Variants in ZNF512B observed in about 807,000 individuals in gnomAD.
ZNF512B encodes the protein zinc finger protein 512B.
A neutral mutation model predicts 87.8 loss-of-function variants in ZNF512B; 22 were observed. The ratio of observed to expected loss-of-function variants is 0.25; its 90% CI spans 0.18 to 0.36. The LOEUF (loss-of-function observed/expected upper bound fraction) is 0.36. Among genes scored for constraint, ZNF512B ranks in the 10% least tolerant of loss-of-function variants. The pLI is 1.00. For missense variants in ZNF512B, 1,060 were observed against 1,231.6 expected (o/e 0.86, Z 2.09); for synonymous variants, 524 against 490.9 (o/e 1.07, Z -0.89).
At chr20:63,962,971 A>G (rs1290504629) in intron 12 of ZNF512B, 124 bp downstream of exon 12, 4 of 1,337,948 alleles carry the variant, frequency 3.0e-6, no homozygotes, top group Non-Finnish European at 4.0e-6. Flanking sequence ...CGTCTCTTAC[A>G]GAGAGGGGTG....
Position 63,966,319 on chromosome 20 carries a change from T to C in ZNF512B, c.856A>G (p.Lys286Glu). 1 of 1,594,994 alleles carries C rather than the reference T, an allele frequency of 6.3e-7. No individual in the cohort carries two copies. Among genetic ancestry groups the C allele is most frequent in the Non-Finnish European group, 8.6e-7 (1 of 1,166,680 alleles). ...ACTGGCTTGGTGACCGGCACGGGTT[T>C]CGTAACTGTCACAAGCTTTGTTACC... ...ITVTKLVTVT[K>E]PVPVTKPVTV... Residue 286 changes from lysine to glutamate, a missense_variant, in exon 5 of 17, where the codon AAA (lysine) becomes GAA (glutamate). By Grantham distance (56) the Lys-to-Glu change is moderately conservative. This residue lies in a region of ZNF512B where 201 missense variants were observed against 226.8 expected (regional missense o/e 0.89). Coordinates refer to ENST00000369888, the MANE Select transcript of ZNF512B (RefSeq NM_020713.3).
rs923144892 is a variant in ZNF512B, at chr20:63,957,431, G to A, written c.*2457C>T. 1 of 152,512 alleles carries A rather than the reference G, an allele frequency of 6.6e-6. No homozygotes were observed. The highest frequency in any genetic ancestry group is 1.5e-5 in the Non-Finnish European group (1 of 68,070). The allele number at this position is 152,512 out of a possible 1,614,324, so 9.4% of individuals were successfully genotyped here. On this transcript the variant is annotated 3_prime_UTR_variant, in exon 17 of 17. Transcript: ENST00000369888. Reference sequence around the variant, plus strand: ...TGTGGGCCAGCGTAGGGAGTGGGCAGACCCTGCTGAGCTCCACCCAGGGCC... The same window carrying A: ...TGTGGGCCAGCGTAGGGAGTGGGCAAACCCTGCTGAGCTCCACCCAGGGCC...
chr20:63,962,417 C>T (rs1394461532), intron 13 of ZNF512B, 43 bp from the exon 14 acceptor site: 19 of 1,581,748 alleles, frequency 1.2e-5, no homozygotes, highest in Non-Finnish European at 1.6e-5. Context: ...GGCCAGAAGA[C>T]ACCCCAGCTG....
chr20:63,962,111 G>C, intron 14 of ZNF512B, 107 bp from the exon 15 acceptor site: 4 of 1,382,264 alleles, frequency 2.9e-6, no homozygotes, highest in Non-Finnish European at 4.0e-6. Flanking sequence ...GGCAAGTGAG[G>C]GGGTGTGAGT....
Position 63,964,524 on chromosome 20 carries a change from G to A in ZNF512B, c.1227C>T (p.Ser409=), listed in dbSNP as rs1213707379. Residue 409 remains serine, a synonymous_variant, in exon 6 of 17, where the codon TCC becomes TCT. Coordinates refer to ENST00000369888, the MANE Select transcript of ZNF512B (RefSeq NM_020713.3). ...MEALKAAGPA[S]PPEEDPERTK... Reference sequence around the variant, plus strand: ...TGCGCTCCGGGTCCTCCTCAGGCGGGGACGCAGGGCCTGCAGCCTTCAGTG... The same window carrying A: ...TGCGCTCCGGGTCCTCCTCAGGCGGAGACGCAGGGCCTGCAGCCTTCAGTG... 4 of 1,612,604 alleles carry A rather than the reference G, an allele frequency of 2.5e-6. No homozygotes were observed. The highest frequency in any genetic ancestry group is 2.2e-5 in the East Asian group (1 of 44,886).
In ZNF512B at chr20:63,959,088, G is replaced by C. The variant is rs1481752843; in HGVS notation, c.*800C>G. The C allele has an allele frequency of 6.6e-6, 1 of 152,546 alleles. No homozygotes were observed. The highest frequency in any genetic ancestry group is 2.4e-5 in the African/African-American group (1 of 41,462). The allele number at this position is 152,546 out of a possible 1,614,324, so 9.4% of individuals were successfully genotyped here. A position where few individuals can be genotyped will look rare whatever the true frequency, so the allele number is the denominator to read the frequency against. ...AACACTGGAGGAGAGCACACTCCAG[G>C]GGCCCCACACCCCCAGGGCTGGCAG... On this transcript the variant is annotated 3_prime_UTR_variant, in exon 17 of 17. Coordinates refer to ENST00000369888, the MANE Select transcript of ZNF512B (RefSeq NM_020713.3).
intron 1 of ZNF512B, chr20:63,969,001 CG>C (rs2058954638): frequency 1.8e-6 from 1 of 555,784 alleles, no homozygotes; most frequent in Non-Finnish European, 2.3e-6. Context: ...AACTTGGATC[CG>C]AGGGGATGGG....
rs750971379 is a variant in ZNF512B, at chr20:63,964,503, C to T, written c.1248G>A (p.Glu416=). 1 of 1,612,914 alleles carries T rather than the reference C, an allele frequency of 6.2e-7. No homozygotes were observed. Among genetic ancestry groups the T allele is most frequent in the Non-Finnish European group, 8.5e-7 (1 of 1,179,868 alleles). The change falls in exon 6 of 17, where the codon GAG becomes GAA. Residue 416 remains glutamate, a synonymous_variant. Transcript: ENST00000369888. The part of the protein sequence containing the change: ...GPASPPEEDP[E]RTKHRRKQKT... ...CTCTCATCTTACTGTGCTTTGTGCG[C>T]TCCGGGTCCTCCTCAGGCGGGGACG...
intron 16 of ZNF512B, among the ~76,000 whole-genome samples, chr20:63,960,824 A>T (rs577615461): frequency 2.2e-5 from 3 of 135,168 alleles, no homozygotes; most frequent in African/African-American, 5.7e-5. Context: ...CACAGCCTTC[A>T]GGACCAGGCA....
chr20:63,962,427 G>A (rs902134976), intron 13 of ZNF512B, 53 bp from the exon 14 acceptor site: 2 of 1,569,890 alleles, frequency 1.3e-6, no homozygotes, highest in Non-Finnish European at 1.7e-6. Flanking sequence ...CACCCCAGCT[G>A]CTCTAAGAAC....
intron 9 of ZNF512B, 33 bp from the exon 10 acceptor site, chr20:63,963,743 G>A (rs879246200): frequency 1.9e-6 from 3 of 1,612,992 alleles, no homozygotes; most frequent in African/African-American, 2.7e-5. Context: ...AAGCCTGCCT[G>A]GGGCCAGGGC....
rs1292431712 is a variant in ZNF512B at position 63,964,064 on chromosome 20, C to T, written c.1480+7G>A. ...GCTGCCCTGAGCCCCTGCCAGGCAGCCCCTACCTGGAGCTGGGTGGGCCAC... is the reference window on the plus strand; with the variant it reads ...GCTGCCCTGAGCCCCTGCCAGGCAGTCCCTACCTGGAGCTGGGTGGGCCAC... On this transcript the variant is annotated splice_region_variant and intron_variant, in intron 8 of 16. Transcript: ENST00000369888. The T allele has an allele frequency of 6.2e-7, 1 of 1,605,778 alleles. No individual in the cohort carries two copies. Among genetic ancestry groups the T allele is most frequent in the Non-Finnish European group, 8.5e-7 (1 of 1,179,206 alleles).
In ZNF512B at chr20:63,961,213, G is replaced by A; in HGVS notation, c.2427+96C>T. On this transcript the variant is annotated intron_variant, in intron 16 of 16. Transcript: ENST00000369888. The surrounding 1 kb of genome is among the most constrained non-coding windows in gnomAD (Gnocchi z 6.4). The stretch of plus-strand genomic sequence containing the variant: ...ACTCTCCCAGGCACACCCCATGCAG[G>A]CCACTGACCTCTCTACCCCCAAGGG... 3.6e-6 allele frequency: 4 copies of A among 1,111,516 alleles called. No homozygotes were observed. Among genetic ancestry groups the A allele is most frequent in the East Asian group, 2.4e-5 (1 of 41,386 alleles). 68.9% of individuals were successfully genotyped at this position (1,111,516 alleles called of 1,614,324 possible).
chr20:63,963,563 G>A, intron 10 of ZNF512B, 55 bp downstream of exon 10: 3 of 1,603,860 alleles, frequency 1.9e-6, no homozygotes, highest in Non-Finnish European at 1.7e-6. Context: ...CTGCGGTGAA[G>A]GTGGGGTGCG....
chr20:63,963,073 C>A (rs1043165112), intron 12 of ZNF512B, 22 bp downstream of exon 12: 8 of 1,533,518 alleles, frequency 5.2e-6, no homozygotes, highest in Non-Finnish European at 7.0e-6. Flanking sequence ...AGCACTGTGC[C>A]ACAGAACAGA....
At position 63,963,331 on chromosome 20, in the gene ZNF512B, C is replaced by G. The variant is rs773177320; in HGVS notation, c.1797+11G>C. The G allele has an allele frequency of 6.5e-7, 1 of 1,536,484 alleles. No homozygotes were observed. The highest frequency in any genetic ancestry group is 1.4e-5 in the African/African-American group (1 of 73,042). ...CCCCCCCACCCCACACTGCCGCGGC[C>G]CCCCACTGACCTCCTGGGGGCAGCG... On this transcript the variant is annotated intron_variant, in intron 11 of 16. Transcript: ENST00000369888.
Position 63,962,611 on chromosome 20 carries a change from A to T in ZNF512B, c.2139T>A (p.Asp713Glu). The change falls in exon 13 of 17, where the codon GAT (aspartate) becomes GAA (glutamate). Residue 713 changes from aspartate to glutamate, a missense_variant. By Grantham distance (45) the Asp-to-Glu change is conservative. Around this residue, in one of 9 missense-constraint regions of ZNF512B, gnomAD observed 253 missense variants for 259.2 expected, o/e 0.98. Coordinates refer to ENST00000369888, the MANE Select transcript of ZNF512B (RefSeq NM_020713.3). ...CCCGTGCGGTCTCGGGCACAAGGTC[A>T]TCCTTCATGCGCCGCTTGGTCCAGT... ...ARDWTKRRMK[D>E]DLVPETARLN... 6.2e-7 allele frequency: 1 copy of T among 1,607,574 alleles called. No homozygotes were observed. The highest frequency in any genetic ancestry group is 1.7e-5 in the Admixed American group (1 of 59,704).
At position 63,963,308 on chromosome 20, in the gene ZNF512B, C is replaced by G. The variant is rs759042340; in HGVS notation, c.1797+34G>C. Reference sequence around the variant, plus strand: ...GGGTGGGTGAGTGGCCAGCAGGGCCCCCCCACCCCACACTGCCGCGGCCCC... The same window carrying G: ...GGGTGGGTGAGTGGCCAGCAGGGCCGCCCCACCCCACACTGCCGCGGCCCC... On this transcript the variant is annotated intron_variant, in intron 11 of 16. Transcript: ENST00000369888. 2.3e-5 allele frequency: 35 copies of G among 1,537,146 alleles called. 1 individual carries two copies. The South Asian group carries it at 3.9e-4, about 17-fold the overall frequency.
chr20:63,963,889 C>T lies in ZNF512B; in HGVS notation c.1505G>A (p.Arg502Lys), dbSNP rs1258133171. ...GGCTTCCCCGCGCTCATGGATGGCCCTCTGCCACTGCTCTTCAGGGCCACC... is the reference window on the plus strand; with the variant it reads ...GGCTTCCCCGCGCTCATGGATGGCCTTCTGCCACTGCTCTTCAGGGCCACC... The part of the protein sequence containing the change: ...APGGPEEQWQ[R>K]AIHERGEAVC... Residue 502 changes from arginine to lysine, a missense_variant, in exon 9 of 17, where the codon AGG becomes AAG. Arg to Lys is a conservative substitution (Grantham distance 26). Around this residue, in one of 9 missense-constraint regions of ZNF512B, gnomAD observed 212 missense variants for 207.6 expected, o/e 1.02. Transcript: ENST00000369888. The T allele has an allele frequency of 1.2e-6, 2 of 1,611,588 alleles. No individual in the cohort carries two copies. Among genetic ancestry groups the T allele is most frequent in the East Asian group, 2.2e-5 (1 of 44,880 alleles).
Sources: gnomAD v4.1 joint callset for allele counts (sites outside exome capture counted in the v4.1 genomes callset) on GRCh38, gnomAD v4.1.1 for gene constraint, gnomAD v4.1.1 regional missense constraint, Gnocchi (gnomAD v3.1) non-coding constraint, MANE v1.5 for transcripts, NCBI Gene and HGNC (gene_info 2026-07-23, HGNC 2026-07-21) for gene names.